DMD: variants seen among roughly 807,000 people sequenced by gnomAD.
DMD encodes mutant dystrophin.
In DMD, 63 loss-of-function variants were observed where a neutral mutation model predicts 330.1. The ratio of observed to expected loss-of-function variants is 0.19; its 90% CI spans 0.16 to 0.24. DMD has a LOEUF of 0.24. Ranked by LOEUF, DMD falls within the 10% of genes least tolerant of loss-of-function variation. DMD has a pLI of 1.00. For synonymous variants in DMD, 1,223 were observed against 959.8 expected (o/e 1.27, Z -5.07); for missense variants, 3,344 against 2,684.1 (o/e 1.25, Z -5.43).
intron 16 of DMD, among the ~76,000 whole-genome samples, chrX:32,554,936 A>AGAAG (rs2050113365): frequency 3.3e-5 from 1 of 30,731 alleles, no homozygotes; most frequent in African/African-American, 3.7e-4. Flanking sequence ...AAAGAAAGAA[A>AGAAG]GAAAGAGAGA....
At chrX:31,731,035 A>T (rs2149026904) in intron 51 of DMD, among the ~76,000 whole-genome samples, 1 of 111,706 alleles carries the variant, frequency 9.0e-6, no homozygotes, top group East Asian at 2.8e-4. Flanking sequence ...TGTGATTTAA[A>T]CTCAATTGCT....
At chrX:31,429,755 A>AG (rs113321915) in intron 60 of DMD, among the ~76,000 whole-genome samples, 22,814 of 110,590 alleles carry the variant, frequency 0.21, 2,653 homozygotes, top group African/African-American at 0.43. Flanking sequence ...CACAGGGAGG[A>AG]GGGAGTGCCT....
Position 32,377,319 on chromosome X carries a change from AAAGT to A in DMD, c.4845+3187_4845+3190del, listed in dbSNP as rs1246162982. On this transcript the variant is annotated intron_variant, in intron 34 of 78. Transcript: ENST00000357033. ...TTTATTTTCAATAGCTTTTACAGCTAAAGTAATAGCCCAACTGTGTTTTCAAATA... is the reference window on the plus strand; with the variant it reads ...TTTATTTTCAATAGCTTTTACAGCTAAATAGCCCAACTGTGTTTTCAAATA... Among the ~76,000 whole-genome samples, 3 of 112,160 alleles carry A rather than the reference AAAGT, an allele frequency of 2.7e-5. No homozygotes were observed. In the Admixed American group the frequency reaches 2.9e-4, roughly 11 times the overall value.
intron 1 of DMD, among the ~76,000 whole-genome samples, chrX:33,144,886 A>G (rs2047953844): frequency 8.9e-6 from 1 of 111,984 alleles, no homozygotes; most frequent in Non-Finnish European, 1.9e-5. Context: ...GTTTTTCTGA[A>G]GTTCCAACTA....
intron 1 of DMD, among the ~76,000 whole-genome samples, chrX:33,174,927 G>T (rs921697992): frequency 8.9e-6 from 1 of 111,829 alleles, no homozygotes; most frequent in African/African-American, 3.2e-5. Context: ...GCTAAATAAC[G>T]TATGAGTGTA....
chrX:32,288,585 T>A (rs749070164), intron 42 of DMD, among the ~76,000 whole-genome samples: 2 of 112,121 alleles, frequency 1.8e-5, no homozygotes, highest in East Asian at 5.6e-4. Flanking sequence ...AAGATTCTTT[T>A]AAAACATAAT....
chrX:31,735,469 T>A (rs1407652822), intron 51 of DMD, among the ~76,000 whole-genome samples: 1 of 111,958 alleles, frequency 8.9e-6, no homozygotes, highest in Non-Finnish European at 1.9e-5. Context: ...TACCTGAATG[T>A]GTAACTGTCA....
intron 48 of DMD, among the ~76,000 whole-genome samples, chrX:31,870,229 T>C (rs987143020): frequency 8.9e-6 from 1 of 112,023 alleles, no homozygotes; most frequent in African/African-American, 3.2e-5. Context: ...TCTTAGAGCA[T>C]TTACTCTAGA....
intron 44 of DMD, among the ~76,000 whole-genome samples, chrX:32,075,931 C>T (rs780633665): frequency 1.9e-5 from 2 of 105,952 alleles, no homozygotes; most frequent in South Asian, 8.6e-4. Context: ...CACTTATAAT[C>T]CCAGCTACTG....
intron 60 of DMD, among the ~76,000 whole-genome samples, chrX:31,416,415 A>T (rs1291576887): frequency 1.8e-5 from 2 of 112,618 alleles, no homozygotes; most frequent in Non-Finnish European, 3.7e-5. Flanking sequence ...TTGCATAAAC[A>T]GGATATAAGA....
At chrX:33,094,774 C>A (rs766903789) in intron 1 of DMD, among the ~76,000 whole-genome samples, 1 of 102,020 alleles carries the variant, frequency 9.8e-6, no homozygotes, top group South Asian at 4.7e-4. Context: ...TGCCATTGCA[C>A]TCCAGGCAGG....
chrX:32,832,506 T>G (rs1267016422), intron 4 of DMD, among the ~76,000 whole-genome samples: 2 of 111,268 alleles, frequency 1.8e-5, no homozygotes, highest in South Asian at 3.7e-4. Flanking sequence ...ATAAACAGAA[T>G]TTGCTTTTTA....
At chrX:32,719,843 C>A (rs911736249) in intron 7 of DMD, among the ~76,000 whole-genome samples, 5 of 109,941 alleles carry the variant, frequency 4.5e-5, no homozygotes, top group African/African-American at 1.6e-4. Flanking sequence ...TACACAATGC[C>A]CTTTTCCAAC....
At chrX:32,699,709 G>A (rs973863295) in intron 7 of DMD, among the ~76,000 whole-genome samples, 1 of 111,508 alleles carries the variant, frequency 9.0e-6, no homozygotes, top group South Asian at 3.7e-4. Flanking sequence ...ATGGTTTACC[G>A]CTTTGGTTCT....
At chrX:32,048,042 A>G (rs2096075785) in intron 44 of DMD, among the ~76,000 whole-genome samples, 2 of 105,744 alleles carry the variant, frequency 1.9e-5, no homozygotes. Flanking sequence ...TATCTTATGA[A>G]CAGGTCTGTG....
chrX:31,757,708 C>CA (rs2149162749), intron 51 of DMD, among the ~76,000 whole-genome samples: 2 of 110,395 alleles, frequency 1.8e-5, no homozygotes, highest in South Asian at 7.8e-4. Context: ...ATCACCCCCC[C>CA]AAACCCCCAC....
At chrX:31,961,699 GA>G (rs1321644646) in intron 45 of DMD, among the ~76,000 whole-genome samples, 1 of 103,363 alleles carries the variant, frequency 9.7e-6, no homozygotes, top group Non-Finnish European at 2.0e-5. Context: ...AAGATTTTGG[GA>G]AAAAAAATAA....
intron 7 of DMD, among the ~76,000 whole-genome samples, chrX:32,804,547 C>G (rs1025304167): frequency 7.1e-5 from 8 of 112,555 alleles, no homozygotes; most frequent in Non-Finnish European, 5.6e-5. Flanking sequence ...GTGGGTGCAG[C>G]ATCAGCAGAC....
chrX:32,008,951 G>A (rs1267068155), intron 44 of DMD, among the ~76,000 whole-genome samples: 1 of 111,606 alleles, frequency 9.0e-6, no homozygotes, highest in Non-Finnish European at 1.9e-5. Context: ...ACTTGAGCCT[G>A]TGAGGACTAG....
Sources: allele counts gnomAD v4.1 joint callset (sites outside exome capture counted in the v4.1 genomes callset), GRCh38; gene constraint gnomAD v4.1.1; transcripts MANE v1.5; gene names NCBI Gene and HGNC (gene_info 2026-07-23, HGNC 2026-07-21).